Variants in ABCC5 observed in about 807,000 individuals in gnomAD.
ABCC5 encodes the protein ATP binding cassette subfamily C member 5, also known as ATP-binding cassette sub-family C member 5.
A neutral mutation model predicts 160.9 loss-of-function variants in ABCC5; 61 were observed. The ratio of observed to expected loss-of-function variants is 0.38; its 90% CI spans 0.31 to 0.47. The LOEUF (loss-of-function observed/expected upper bound fraction) is 0.47, where lower values mean the gene tolerates loss of function less well. Ranked by LOEUF, ABCC5 falls within the 20% of genes least tolerant of loss-of-function variation. ABCC5 has a pLI of 0.99. For missense variants in ABCC5, 1,308 were observed against 1,813.3 expected (o/e 0.72, Z 5.06); for synonymous variants, 666 against 700.6 (o/e 0.95, Z 0.78).
chr3:184,012,748 G>C (rs1560061139), intron 2 of ABCC5, among the ~76,000 whole-genome samples: 1 of 152,148 alleles, frequency 6.6e-6, no homozygotes, highest in Non-Finnish European at 1.5e-5. Context: ...TTATAAAACT[G>C]GCACCACGAG....
At position 183,971,113 on chromosome 3, in the gene ABCC5, G is replaced by A. The variant is rs367734518; in HGVS notation, c.1761+450C>T. ...TACCTGGGCTGTGACATCATCTACC[G>A]TTAACGATCCTTAACTTATATTAAG... On this transcript the variant is annotated intron_variant, in intron 11 of 29. Coordinates refer to ENST00000334444, the MANE Select transcript of ABCC5 (RefSeq NM_005688.4). 2.0e-5 allele frequency among the ~76,000 whole-genome samples: 3 copies of A among 152,188 alleles called. No individual in the cohort carries two copies. The East Asian group carries it at 5.8e-4, about 29-fold the overall frequency.
intron 10 of ABCC5, among the ~76,000 whole-genome samples, chr3:183,975,261 A>G (rs988494362): frequency 2.0e-5 from 3 of 152,178 alleles, no homozygotes; most frequent in African/African-American, 7.2e-5. Context: ...CATAAAGTCA[A>G]TGTAATTCTA....
chr3:183,927,875 G>A lies in ABCC5; in HGVS notation c.3934-432C>T, dbSNP rs983350444. ...TTATTCTTCAAATGAGAAGAATCCC[G>A]ATAGAGCAGAGGAAAAAACAGAACT... On this transcript the variant is annotated intron_variant, in intron 27 of 29. Coordinates refer to ENST00000334444, the MANE Select transcript of ABCC5 (RefSeq NM_005688.4). 5 of 930,612 alleles carry A rather than the reference G, an allele frequency of 5.4e-6. No homozygotes were observed. In the African/African-American group the frequency reaches 7.1e-5, roughly 13 times the overall value. 57.6% of individuals were successfully genotyped at this position (930,612 alleles called of 1,614,324 possible). A position where few individuals can be genotyped will look rare whatever the true frequency, so the allele number is the denominator to read the frequency against.
At position 183,982,853 on chromosome 3, in the gene ABCC5, C is replaced by A; in HGVS notation, c.746G>T (p.Arg249Leu). Residue 249 changes from arginine (R) to leucine (L), a missense_variant, in exon 6 of 30, where the codon CGC (arginine) becomes CTC (leucine). This residue lies in a region of ABCC5 where 1,142 missense variants were observed against 1,527.1 expected (regional missense o/e 0.75). Transcript: ENST00000334444. This position sits in a 1 kb window ranked among gnomAD's most constrained non-coding sequence, Gnocchi z 5.2. ...TWALNYRTGV[R>L]LRGAILTMAF... ...CATGGTTAGGATGGCCCCCCGCAAG[C>A]GGACACCGGTTCGGTAATTCAATGC... 6.2e-7 allele frequency: 1 copy of A among 1,614,206 alleles called. No individual in the cohort carries two copies. The highest frequency in any genetic ancestry group is 8.5e-7 in the Non-Finnish European group (1 of 1,180,036).
chr3:183,925,790 TA>T, intron 28 of ABCC5, 71 bp from the exon 29 acceptor site: 1 of 1,459,228 alleles, frequency 6.9e-7, no homozygotes, highest in Non-Finnish European at 9.3e-7. Flanking sequence ...TAGATTTTAC[TA>T]AAATGTATTT....
chr3:183,941,753 G>A (rs1354326052), intron 25 of ABCC5, among the ~76,000 whole-genome samples: 1 of 152,060 alleles, frequency 6.6e-6, no homozygotes, highest in Non-Finnish European at 1.5e-5. Flanking sequence ...CAGAGGCTGA[G>A]GCGGGTGGAT....
Position 183,949,768 on chromosome 3 carries a change from T to C in ABCC5, c.3212A>G (p.Gln1071Arg). ...CAGGACAAACCTGTGCAGAAACTCC[T>C]GCCCTTTATTGTAGGCGTGGATGGT... is the stretch of plus-strand genomic sequence containing the variant. ...LATIHAYNKG[Q>R]EFLHRYQELL... is the part of the protein sequence containing the mutation. Residue 1071 changes from glutamine to arginine, a missense_variant, in exon 22 of 30, where the codon CAG becomes CGG. This residue lies in a region of ABCC5 where 1,142 missense variants were observed against 1,527.1 expected (regional missense o/e 0.75). Transcript: ENST00000334444. This position sits in a 1 kb window ranked among gnomAD's most constrained non-coding sequence, Gnocchi z 4.2. 1 of 1,614,168 alleles carries C rather than the reference T, an allele frequency of 6.2e-7. No individual in the cohort carries two copies. Among genetic ancestry groups the C allele is most frequent in the Non-Finnish European group, 8.5e-7 (1 of 1,179,982 alleles).
chr3:183,974,752 T>C (rs1436131454), intron 10 of ABCC5, among the ~76,000 whole-genome samples: 1 of 152,244 alleles, frequency 6.6e-6, no homozygotes, highest in Non-Finnish European at 1.5e-5. Flanking sequence ...AGCTTCACAC[T>C]GCCTTTCTAC....
At chr3:183,978,757 C>CTCT in intron 8 of ABCC5, 106 bp from the exon 9 acceptor site, 1 of 1,236,732 alleles carries the variant, frequency 8.1e-7, no homozygotes, top group Non-Finnish European at 1.1e-6. Flanking sequence ...CACCCTTCAA[C>CTCT]ACCTATGACT....
chr3:183,977,559 T>G lies in ABCC5; in HGVS notation c.1362A>C (p.Val454=). 6.2e-7 allele frequency: 1 copy of G among 1,614,128 alleles called. No homozygotes were observed. The highest frequency in any genetic ancestry group is 8.5e-7 in the Non-Finnish European group (1 of 1,179,982). Residue 454 remains valine (V), a synonymous_variant, in exon 10 of 30, where the codon GTA becomes GTC. Coordinates refer to ENST00000334444, the MANE Select transcript of ABCC5 (RefSeq NM_005688.4). ...TFALKVTPFS[V]KSLSEASVAV... is the part of the protein sequence containing the mutation. ...CCACTGAGGCTTCTGAGAGGGACTT[T>G]ACTGAAAACGGTGTTACTTTCAAAG...
At chr3:184,008,219 G>C (rs1220003055) in intron 2 of ABCC5, among the ~76,000 whole-genome samples, 1 of 152,152 alleles carries the variant, frequency 6.6e-6, no homozygotes, top group East Asian at 1.9e-4. Flanking sequence ...CATGCATCTT[G>C]AAGAGTGTTC....
chr3:184,002,765 T>C (rs1720855817), intron 2 of ABCC5, among the ~76,000 whole-genome samples: 1 of 152,244 alleles, frequency 6.6e-6, no homozygotes, highest in South Asian at 2.1e-4. Context: ...GTTCCCCGTC[T>C]GAACAATCCA....
At chr3:183,957,816 G>A (rs1249572900) in intron 17 of ABCC5, among the ~76,000 whole-genome samples, 11 of 150,230 alleles carry the variant, frequency 7.3e-5, no homozygotes, top group African/African-American at 2.2e-4. Context: ...ACGCAGATCC[G>A]TGTGTATATC....
In ABCC5 at chr3:183,988,563, G is replaced by A. The variant is rs932459756; in HGVS notation, c.443+9C>T. 6.2e-7 allele frequency: 1 copy of A among 1,609,534 alleles called. No homozygotes were observed. Among genetic ancestry groups the A allele is most frequent in the African/African-American group, 1.3e-5 (1 of 74,604 alleles). On this transcript the variant is annotated intron_variant, in intron 4 of 29. Coordinates refer to ENST00000334444, the MANE Select transcript of ABCC5 (RefSeq NM_005688.4). This position sits in a 1 kb window ranked among gnomAD's most constrained non-coding sequence, Gnocchi z 4.4. ...ATGGGGGAGATGAGGGTGGACCAGA[G>A]GCGCCTACCTTCTGCAGTTCACGTC...
intron 12 of ABCC5, among the ~76,000 whole-genome samples, chr3:183,966,591 C>T (rs73884810): frequency 0.08 from 12,122 of 152,134 alleles, 1,637 homozygotes; most frequent in African/African-American, 0.28. Flanking sequence ...CTTTTCTTTC[C>T]TTCTCCCCCT....
chr3:183,922,239 G>T (rs1258725525), intron 29 of ABCC5, among the ~76,000 whole-genome samples: 4 of 152,060 alleles, frequency 2.6e-5, no homozygotes, highest in Non-Finnish European at 5.9e-5. Context: ...GGGTGTGGTG[G>T]TGCATGCCTG....
rs558897632 is a variant in ABCC5, at chr3:183,952,115, C to G, written c.2668-112G>C. On this transcript the variant is annotated intron_variant, in intron 18 of 29. Coordinates refer to ENST00000334444, the MANE Select transcript of ABCC5 (RefSeq NM_005688.4). ...GCAGGGTACAGGATAATGACCCACC[C>G]TGGGACCTGGTCATGGCTTTGTCCA... 7 of 1,040,776 alleles carry G rather than the reference C, an allele frequency of 6.7e-6. 1 individual carries two copies. The South Asian group carries it at 1.5e-4, about 22-fold the overall frequency. 64.5% of individuals were successfully genotyped at this position (1,040,776 alleles called of 1,614,324 possible).
intron 2 of ABCC5, among the ~76,000 whole-genome samples, chr3:183,994,987 G>C (rs1405930915): frequency 1.3e-5 from 2 of 151,478 alleles, no homozygotes. Context: ...AAGTAGCTGG[G>C]ACTACGGGCA....
intron 25 of ABCC5, chr3:183,942,522 T>C (rs767952224): frequency 1.4e-6 from 1 of 710,790 alleles, no homozygotes; most frequent in South Asian, 1.5e-5. Context: ...TGTTCTGCAT[T>C]GAGAATGTGC....
Sources: allele counts gnomAD v4.1 joint callset (sites outside exome capture counted in the v4.1 genomes callset), GRCh38; gene constraint gnomAD v4.1.1; regional missense constraint gnomAD v4.1.1; non-coding constraint Gnocchi (gnomAD v3.1); transcripts MANE v1.5; gene names NCBI Gene and HGNC (gene_info 2026-07-23, HGNC 2026-07-21).